The following PPARGC1A variants were observed in gnomAD, a reference collection of about 807,000 sequenced individuals.
The protein encoded by PPARGC1A is peroxisome proliferator-activated receptor gamma coactivator 1-alpha.
Under a neutral mutation model 88.7 loss-of-function variants are expected in PPARGC1A, and 25 were observed. The observed-to-expected ratio is 0.28, with a 90% CI of 0.21 to 0.39. PPARGC1A has a LOEUF of 0.39. Ranked by LOEUF, PPARGC1A falls within the 10% of genes least tolerant of loss-of-function variation. PPARGC1A has a pLI of 1.00. For missense variants in PPARGC1A, 880 were observed against 968.7 expected (o/e 0.91, Z 1.22); for synonymous variants, 363 against 355.6 (o/e 1.02, Z -0.24).
the PPARGC1A span, among the ~76,000 whole-genome samples, chr4:23,967,396 G>T: frequency 6.6e-6 from 1 of 152,098 alleles, no homozygotes; most frequent in African/African-American, 2.4e-5. Context: ...CGACCAAATT[G>T]GCTGCAATGG....
chr4:24,315,308 G>C, the PPARGC1A span, among the ~76,000 whole-genome samples: 10 of 152,188 alleles, frequency 6.6e-5, no homozygotes, highest in African/African-American at 2.4e-4. Flanking sequence ...AAAAGTAGGT[G>C]TGGGGTGAGG....
At chr4:24,374,259 G>A in the PPARGC1A span, among the ~76,000 whole-genome samples, 1 of 152,172 alleles carries the variant, frequency 6.6e-6, no homozygotes, top group Non-Finnish European at 1.5e-5. Flanking sequence ...CTGGCTGCTG[G>A]TCTAGACTCA....
At chr4:24,173,917 G>A in the PPARGC1A span, among the ~76,000 whole-genome samples, 1 of 152,160 alleles carries the variant, frequency 6.6e-6, no homozygotes, top group Non-Finnish European at 1.5e-5. Context: ...ATACTGAAGT[G>A]GACTTTGTCA....
At chr4:23,934,029 C>T in the PPARGC1A span, among the ~76,000 whole-genome samples, 3 of 152,212 alleles carry the variant, frequency 2.0e-5, no homozygotes, top group African/African-American at 7.2e-5. Flanking sequence ...AAAGGTCTCA[C>T]TTGATGCCCA....
chr4:24,081,161 T>G, the PPARGC1A span, among the ~76,000 whole-genome samples: 1 of 152,112 alleles, frequency 6.6e-6, no homozygotes. Flanking sequence ...AAAAAATGCA[T>G]CTAAGAGTTT....
the PPARGC1A span, among the ~76,000 whole-genome samples, chr4:24,330,156 T>C: frequency 6.6e-6 from 1 of 152,226 alleles, no homozygotes; most frequent in Admixed American, 6.5e-5. Flanking sequence ...TGGGCACAGA[T>C]GCATAAATTC....
the PPARGC1A span, among the ~76,000 whole-genome samples, chr4:24,026,369 ATGGAACTCC>A: frequency 6.6e-6 from 1 of 152,198 alleles, no homozygotes; most frequent in African/African-American, 2.4e-5. Flanking sequence ...TCAGAAGTAC[ATGGAACTCC>A]TGGTAGAGAT....
chr4:23,965,082 G>A, the PPARGC1A span, among the ~76,000 whole-genome samples: 15 of 152,080 alleles, frequency 9.9e-5, no homozygotes, highest in African/African-American at 2.2e-4. Flanking sequence ...CCATCAGTGG[G>A]ACCAGAGATG....
the PPARGC1A span, among the ~76,000 whole-genome samples, chr4:24,440,830 A>T: frequency 6.6e-6 from 1 of 152,086 alleles, no homozygotes; most frequent in South Asian, 2.1e-4. Flanking sequence ...ACAAAAAAAA[A>T]CAACTCTTAT....
chr4:24,454,938 G>C, the PPARGC1A span, among the ~76,000 whole-genome samples: 1 of 151,854 alleles, frequency 6.6e-6, no homozygotes, highest in Non-Finnish European at 1.5e-5. Context: ...AGGAACAAGA[G>C]ATCCAAGTTA....
Position 23,814,060 on chromosome 4 carries a change from C to T in PPARGC1A, c.1423G>A (p.Asp475Asn). Residue 475 changes from aspartate (D) to asparagine (N), a missense_variant, in exon 8 of 13, where the codon GAC (aspartate) becomes AAC (asparagine). Transcript: ENST00000264867. ...HFGHPSQAVFDDEADKTGELR... is the reference protein window; with the variant it reads ...HFGHPSQAVFNDEADKTGELR... ...TCACCGGTCTTGTCTGCTTCGTCGT[C>T]AAAAACAGCTTGACTGGGATGACCG... The T allele has an allele frequency of 6.2e-7, 1 of 1,613,978 alleles. No homozygotes were observed. The highest frequency in any genetic ancestry group is 1.1e-5 in the South Asian group (1 of 91,062).
chr4:24,333,283 G>A, the PPARGC1A span, among the ~76,000 whole-genome samples: 3 of 152,014 alleles, frequency 2.0e-5, no homozygotes, highest in Non-Finnish European at 4.4e-5. Context: ...TGAGCTAATC[G>A]ACAGTTTCCA....
chr4:23,827,590 G>A (rs1291913503), intron 5 of PPARGC1A, among the ~76,000 whole-genome samples: 1 of 152,134 alleles, frequency 6.6e-6, no homozygotes, highest in Non-Finnish European at 1.5e-5. Context: ...GAGCCTAAAA[G>A]ATAGAAAATT....
upstream of PPARGC1A, among the ~76,000 whole-genome samples, chr4:23,906,898 G>A (rs1295049638): frequency 6.6e-6 from 1 of 152,102 alleles, no homozygotes; most frequent in Non-Finnish European, 1.5e-5. Context: ...CTCTCATTTA[G>A]GAAATAAGAA....
At chr4:24,043,038 C>T in the PPARGC1A span, among the ~76,000 whole-genome samples, 1 of 152,164 alleles carries the variant, frequency 6.6e-6, no homozygotes, top group Non-Finnish European at 1.5e-5. Context: ...ATGACCTAAT[C>T]TGTCAGGAAG....
At chr4:24,450,044 G>T in the PPARGC1A span, among the ~76,000 whole-genome samples, 2 of 152,158 alleles carry the variant, frequency 1.3e-5, no homozygotes, top group Non-Finnish European at 2.9e-5. Flanking sequence ...TCTCAACAAA[G>T]AAATAAATGT....
chr4:23,858,295 C>A (rs757885825), intron 2 of PPARGC1A, among the ~76,000 whole-genome samples: 3 of 152,102 alleles, frequency 2.0e-5, no homozygotes, highest in Non-Finnish European at 4.4e-5. Context: ...ATTTTTTTTA[C>A]TCCCTGGTTC....
the PPARGC1A span, among the ~76,000 whole-genome samples, chr4:24,283,142 T>C: frequency 6.6e-6 from 1 of 152,190 alleles, no homozygotes; most frequent in African/African-American, 2.4e-5. Flanking sequence ...CATTATGTAG[T>C]GACAAAGACA....
At chr4:24,326,113 T>C in the PPARGC1A span, among the ~76,000 whole-genome samples, 1 of 152,078 alleles carries the variant, frequency 6.6e-6, no homozygotes, top group East Asian at 1.9e-4. Context: ...AAGTATAAGA[T>C]ACCTCTACTC....
Sources: gnomAD v4.1 joint callset for allele counts (sites outside exome capture counted in the v4.1 genomes callset) on GRCh38, gnomAD v4.1.1 for gene constraint, MANE v1.5 for transcripts, NCBI Gene and HGNC (gene_info 2026-07-23, HGNC 2026-07-21) for gene names.